The following JAKMIP1 variants were observed in gnomAD, a reference collection of about 807,000 sequenced individuals.
JAKMIP1 encodes janus kinase and microtubule-interacting protein 1.
A neutral mutation model predicts 113.0 loss-of-function variants in JAKMIP1; 33 were observed. The ratio of observed to expected loss-of-function variants is 0.29; its 90% CI spans 0.22 to 0.39. The LOEUF is 0.39. Ranked by LOEUF, JAKMIP1 falls within the 10% of genes least tolerant of loss-of-function variation. The probability of loss-of-function intolerance (pLI) is 1.00; values close to 1 mark genes in which losing one functional copy is unlikely to be tolerated. For synonymous variants in JAKMIP1, 480 were observed against 459.9 expected, an observed-to-expected ratio of 1.04 and a Z score of -0.56; for missense variants, 813 against 1,080.5, an observed-to-expected ratio of 0.75 and a Z score of 3.47.
chr4:6,119,084 C>G (rs9995146), intron 1 of JAKMIP1, among the ~76,000 whole-genome samples: 87,908 of 151,938 alleles, frequency 0.58, 26,064 homozygotes, highest in East Asian at 0.94. Flanking sequence ...AAAGCTGGAG[C>G]GGGGAAGGAC....
rs1351862653 is a variant in JAKMIP1 at position 6,042,369 on chromosome 4, T to C, written c.2029-142A>G. 8.8e-6 allele frequency: 6 copies of C among 680,408 alleles called. No homozygotes were observed. The East Asian group carries it at 1.6e-4, about 18-fold the overall frequency. 42.1% of individuals were successfully genotyped at this position (680,408 alleles called of 1,614,324 possible). On this transcript the variant is annotated intron_variant, in intron 16 of 20. Coordinates refer to ENST00000409021, the MANE Select transcript of JAKMIP1 (RefSeq NM_001099433.2). The surrounding 1 kb of genome is among the most constrained non-coding windows in gnomAD (Gnocchi z 5.2). The stretch of plus-strand genomic sequence containing the variant: ...AATGGGTCAGGTCATGGCACACACA[T>C]GCCTGATCTGTGGATGGCGTGGTTG...
At chr4:6,175,972 A>G (rs1725298255) in intron 1 of JAKMIP1, among the ~76,000 whole-genome samples, 1 of 152,224 alleles carries the variant, frequency 6.6e-6, no homozygotes, top group Non-Finnish European at 1.5e-5. Context: ...GAATCTTTAC[A>G]GCAGATGAGG....
rs1720037278 is a variant in JAKMIP1, at chr4:6,140,847, C to T, written c.-147-27850G>A. On this transcript the variant is annotated intron_variant, in intron 1 of 20. Transcript: ENST00000409021. This position sits in a 1 kb window ranked among gnomAD's most constrained non-coding sequence, Gnocchi z 9.4. ...ACTGACCTCAGGTCAGCCACAGGCA[C>T]TGGTTGGAGCTCATCTGTCCTCAGC... 6.6e-6 allele frequency among the ~76,000 whole-genome samples: 1 copy of T among 152,194 alleles called. No homozygotes were observed. The highest frequency in any genetic ancestry group is 1.5e-5 in the Non-Finnish European group (1 of 68,046).
At chr4:6,098,485 G>A (rs1354363954) in intron 3 of JAKMIP1, among the ~76,000 whole-genome samples, 3 of 141,660 alleles carry the variant, frequency 2.1e-5, no homozygotes, top group East Asian at 2.1e-4. Context: ...AGGAAAGAAA[G>A]AAAAGAGAAA....
chr4:6,079,656 G>C (rs1029245842), intron 7 of JAKMIP1, among the ~76,000 whole-genome samples: 1 of 152,236 alleles, frequency 6.6e-6, no homozygotes, highest in East Asian at 1.9e-4. Context: ...CCACCGCTTA[G>C]GACATACTCA....
chr4:6,109,174 C>T, intron 2 of JAKMIP1, among the ~76,000 whole-genome samples: 1 of 148,666 alleles, frequency 6.7e-6, no homozygotes, highest in East Asian at 2.0e-4. Flanking sequence ...GCTCTGTCCC[C>T]CAGGCTGGAG....
chr4:6,060,020 G>C (rs1169665364), intron 11 of JAKMIP1, among the ~76,000 whole-genome samples: 3 of 152,216 alleles, frequency 2.0e-5, no homozygotes, highest in East Asian at 1.9e-4. Context: ...ACAGAGGCCA[G>C]AGGTGGGGCC....
intron 1 of JAKMIP1, among the ~76,000 whole-genome samples, chr4:6,196,283 A>T (rs1727831241): frequency 6.6e-6 from 1 of 151,898 alleles, no homozygotes; most frequent in Non-Finnish European, 1.5e-5. Flanking sequence ...CCTGCGTCCC[A>T]CCTCCTACAG....
rs755334422 is a variant in JAKMIP1 at position 6,089,662 on chromosome 4, T to G, written c.625-4033A>C. Among the ~76,000 whole-genome samples, 1 of 152,168 alleles carries G rather than the reference T, an allele frequency of 6.6e-6. No homozygotes were observed. Among genetic ancestry groups the G allele is most frequent in the Non-Finnish European group, 1.5e-5 (1 of 68,034 alleles). Reference sequence around the variant, plus strand: ...GTCAAGTCCACCAGGAAATGTATCTTAGTGAAAACAAGCCCACTGACCCAT... The same window carrying G: ...GTCAAGTCCACCAGGAAATGTATCTGAGTGAAAACAAGCCCACTGACCCAT... On this transcript the variant is annotated intron_variant, in intron 3 of 20. Transcript: ENST00000409021. The surrounding 1 kb of genome is among the most constrained non-coding windows in gnomAD (Gnocchi z 5.3).
In JAKMIP1 at chr4:6,040,808, C is replaced by G; in HGVS notation, c.2098-92G>C. The G allele has an allele frequency of 1.0e-6, 1 of 953,992 alleles. No homozygotes were observed. Among genetic ancestry groups the G allele is most frequent in the Admixed American group, 1.9e-5 (1 of 51,292 alleles). The allele number at this position is 953,992 out of a possible 1,614,324, so 59.1% of individuals were successfully genotyped here. The stretch of plus-strand genomic sequence containing the variant: ...CGTTTGCTAGAGAGTGGCAGTCTCA[C>G]CGAATTGGGGGCACTCAGATGAGAA... On this transcript the variant is annotated intron_variant, in intron 17 of 20. Transcript: ENST00000409021. This position sits in a 1 kb window ranked among gnomAD's most constrained non-coding sequence, Gnocchi z 5.8.
chr4:6,046,151 G>C (rs948910206), intron 16 of JAKMIP1, among the ~76,000 whole-genome samples: 1 of 152,138 alleles, frequency 6.6e-6, no homozygotes, highest in Non-Finnish European at 1.5e-5. Context: ...AAAGCTGTCA[G>C]TCCCAGGCAA....
intron 1 of JAKMIP1, among the ~76,000 whole-genome samples, chr4:6,130,132 G>A (rs1333999290): frequency 6.6e-6 from 1 of 152,228 alleles, no homozygotes; most frequent in Non-Finnish European, 1.5e-5. Context: ...GCACTTACCT[G>A]CCCCAGGCCA....
intron 9 of JAKMIP1, among the ~76,000 whole-genome samples, chr4:6,063,567 C>T (rs1717622903): frequency 6.6e-6 from 1 of 152,230 alleles, no homozygotes; most frequent in African/African-American, 2.4e-5. Context: ...TGTGTCTCTC[C>T]CAGTGTGAGA....
chr4:6,026,865 C>A (rs1417002894), intron 20 of JAKMIP1, among the ~76,000 whole-genome samples: 4 of 87,962 alleles, frequency 4.5e-5, no homozygotes, highest in Middle Eastern at 5.6e-3. Context: ...AATTTCTTTG[C>A]ATTTTTTTTT....
chr4:6,166,809 G>A (rs1723695988), intron 1 of JAKMIP1, among the ~76,000 whole-genome samples: 2 of 152,160 alleles, frequency 1.3e-5, no homozygotes, highest in African/African-American at 2.4e-5. Flanking sequence ...CTAAAGCACA[G>A]GTTCCAGGCT....
chr4:6,074,660 C>T (rs1368078272), intron 8 of JAKMIP1, among the ~76,000 whole-genome samples: 1 of 152,200 alleles, frequency 6.6e-6, no homozygotes, highest in Non-Finnish European at 1.5e-5. Context: ...TCCTCTTGTA[C>T]ACTTTAACTA....
chr4:6,171,478 C>G (rs1279429680), intron 1 of JAKMIP1, among the ~76,000 whole-genome samples: 1 of 152,074 alleles, frequency 6.6e-6, no homozygotes, highest in Non-Finnish European at 1.5e-5. Context: ...CTATCACCAC[C>G]AGCAGGCATT....
At chr4:6,074,944 T>C (rs749939930) in intron 8 of JAKMIP1, among the ~76,000 whole-genome samples, 1 of 152,216 alleles carries the variant, frequency 6.6e-6, no homozygotes, top group Non-Finnish European at 1.5e-5. Flanking sequence ...GGCTAGACCA[T>C]CTGGGTTTGT....
At chr4:6,034,055 A>G (rs1026276322) in intron 19 of JAKMIP1, among the ~76,000 whole-genome samples, 1 of 139,854 alleles carries the variant, frequency 7.2e-6, no homozygotes, top group African/African-American at 3.1e-5. Flanking sequence ...TGAAGACTTA[A>G]TCAGGTAGCC....
Sources: allele counts gnomAD v4.1 joint callset (sites outside exome capture counted in the v4.1 genomes callset), GRCh38; gene constraint gnomAD v4.1.1; non-coding constraint Gnocchi (gnomAD v3.1); transcripts MANE v1.5; gene names NCBI Gene and HGNC (gene_info 2026-07-23, HGNC 2026-07-21).